The following SNF8 variants were observed in gnomAD, a reference collection of about 807,000 sequenced individuals.
SNF8 encodes vacuolar-sorting protein SNF8.
In SNF8, 19 loss-of-function variants were observed where a neutral mutation model predicts 36.8. The observed-to-expected ratio is 0.52, with a 90% CI of 0.36 to 0.76. The LOEUF is 0.76. Among genes scored for constraint, SNF8 ranks in the 30% least tolerant of loss-of-function variants. The pLI, the probability that SNF8 is intolerant of heterozygous loss-of-function variation, is 0.00. For missense variants in SNF8, 268 were observed against 322.9 expected, an observed-to-expected ratio of 0.83 and a Z score of 1.30; for synonymous variants, 127 against 127.4, an observed-to-expected ratio of 1.00 and a Z score of 0.02.
chr17:48,940,968 T>C lies in SNF8; in HGVS notation c.200A>G (p.Gln67Arg), dbSNP rs755506865. ...EIRKNPEFRV[Q>R]FQDMCATIGV... ...AATGGTTGCACACATGTCCTGGAAC[T>C]GCACACGGAACTCAGGATTCTTCCG... The change falls in exon 3 of 8, where the codon CAG becomes CGG. Residue 67 changes from glutamine (Q) to arginine (R), a missense_variant. Physicochemically the swap from Gln to Arg is conservative, Grantham distance 43. Coordinates refer to ENST00000502492, the MANE Select transcript of SNF8 (RefSeq NM_007241.4). The C allele has an allele frequency of 1.2e-6, 2 of 1,613,068 alleles. No homozygotes were observed. The highest frequency in any genetic ancestry group is 8.5e-7 in the Non-Finnish European group (1 of 1,180,032).
In SNF8 at chr17:48,929,916, C is replaced by A. The variant is rs1442636808; in HGVS notation, c.*559G>T. 6.6e-6 allele frequency: 1 copy of A among 152,178 alleles called. No individual in the cohort carries two copies. Among genetic ancestry groups the A allele is most frequent in the East Asian group, 1.9e-4 (1 of 5,202 alleles). The allele number at this position is 152,178 out of a possible 1,614,324, so 9.4% of individuals were successfully genotyped here. A position where few individuals can be genotyped will look rare whatever the true frequency, so the allele number is the denominator to read the frequency against. On this transcript the variant is annotated 3_prime_UTR_variant, in exon 8 of 8. Transcript: ENST00000502492. The stretch of plus-strand genomic sequence containing the variant: ...TTTAAGAAAATAGAACATTCCCTAA[C>A]TATTGTTTGATTCCCCTCAGATTCC...
intron 2 of SNF8, 100 bp from the exon 3 acceptor site, chr17:48,941,162 A>G (rs2041017794): frequency 3.7e-6 from 5 of 1,353,592 alleles, no homozygotes; most frequent in South Asian, 1.3e-5. Flanking sequence ...AGGCTGAAAT[A>G]ACCAGTCTCC....
intron 5 of SNF8, among the ~76,000 whole-genome samples, chr17:48,934,839 G>A (rs935443598): frequency 3.9e-5 from 6 of 152,106 alleles, no homozygotes; most frequent in African/African-American, 1.4e-4. Context: ...ACAGGTGTAA[G>A]CTATTGCACC....
At chr17:48,941,259 G>A (rs988635638) in intron 2 of SNF8, among the ~76,000 whole-genome samples, 197 bp from the exon 3 acceptor site, 6 of 151,938 alleles carry the variant, frequency 3.9e-5, no homozygotes, top group African/African-American at 1.5e-4. Flanking sequence ...ATGGGATGCT[G>A]TACTGTTTTC....
chr17:48,934,457 GC>G, intron 5 of SNF8: 1 of 216,786 alleles, frequency 4.6e-6, no homozygotes, highest in Non-Finnish European at 9.6e-6. Context: ...ACAAGAACTA[GC>G]AGGGCGCCAG....
In SNF8 at chr17:48,930,553, G is replaced by C. The variant is rs780541691; in HGVS notation, c.699C>G (p.His233Gln). 35 of 1,613,484 alleles carry C rather than the reference G, an allele frequency of 2.2e-5. No homozygotes were observed. The highest frequency in any genetic ancestry group is 4.0e-5 in the African/African-American group (3 of 74,906). ...WLDLQAPGEA[H>Q]YWLPALFTDL... ...CAGTGAAGAGAGCTGGCAGCCAGTA[G>C]TGGGCCTCCCCTGGGGCCTGTAAGT... Residue 233 changes from histidine (H) to glutamine (Q), a missense_variant, in exon 8 of 8, where the codon CAC becomes CAG. His to Gln is a conservative substitution (Grantham distance 24). Transcript: ENST00000502492.
Position 48,938,062 on chromosome 17 carries a change from G to A in SNF8, c.245-938C>T, listed in dbSNP as rs185907400. Among the ~76,000 whole-genome samples, 378 of 152,186 alleles carry A rather than the reference G, an allele frequency of 2.5e-3. 1 individual carries two copies. The highest frequency in any genetic ancestry group is 4.5e-3 in the Non-Finnish European group (305 of 68,008). ...CAAAGCATGCAGTGAAATATAATGG[G>A]AAATATGGTCTAGACAAGACTAAGA... On this transcript the variant is annotated intron_variant, in intron 3 of 7. Transcript: ENST00000502492.
chr17:48,931,757 G>A (rs376211694), intron 6 of SNF8, 40 bp from the exon 7 acceptor site: 68 of 1,519,576 alleles, frequency 4.5e-5, no homozygotes, highest in Non-Finnish European at 5.4e-5. Flanking sequence ...AGTTAAGAGT[G>A]CACCTTCCCT....
Position 48,944,780 on chromosome 17 carries a change from C to T in SNF8, c.-46G>A. 6.4e-7 allele frequency: 1 copy of T among 1,564,562 alleles called. No homozygotes were observed. The highest frequency in any genetic ancestry group is 8.6e-7 in the Non-Finnish European group (1 of 1,162,946). On this transcript the variant is annotated 5_prime_UTR_variant, in exon 1 of 8. Transcript: ENST00000502492. ...CCGCCCGGCTGCCGGGACCCCGGGT[C>T]TCCACGTCCCGGACTCCGCCGCCGG... is the stretch of plus-strand genomic sequence containing the variant.
intron 6 of SNF8, 105 bp from the exon 7 acceptor site, chr17:48,931,822 T>C (rs1567783892): frequency 1.4e-5 from 11 of 804,440 alleles, no homozygotes; most frequent in Non-Finnish European, 1.8e-5. Context: ...GAGGAAAAGC[T>C]GTCAAGCATG....
In SNF8 at chr17:48,938,959, A is replaced by G. The variant is rs532243858; in HGVS notation, c.245-1835T>C. On this transcript the variant is annotated intron_variant, in intron 3 of 7. Transcript: ENST00000502492. ...TTATGATTGTTATTCATTGTTTGAG[A>G]TAAAATCAGTCATCTGTAGCCGGGC... is the stretch of plus-strand genomic sequence containing the variant. 1.5e-3 allele frequency among the ~76,000 whole-genome samples: 224 copies of G among 151,726 alleles called. 4 individuals carry two copies. The South Asian group carries it at 0.026, about 17-fold the overall frequency.
chr17:48,938,709 C>T (rs1468586526), intron 3 of SNF8, among the ~76,000 whole-genome samples: 1 of 149,702 alleles, frequency 6.7e-6, no homozygotes, highest in Non-Finnish European at 1.5e-5. Context: ...CTCTACTAAT[C>T]ATACAAAAAA....
intron 4 of SNF8, 113 bp from the exon 5 acceptor site, chr17:48,936,355 A>AT (rs3215074): frequency 1.4e-4 from 98 of 689,614 alleles, no homozygotes; most frequent in Admixed American, 4.7e-4. Flanking sequence ...CTAGTTCCTA[A>AT]TTTTTTTTTA....
chr17:48,943,964 C>T lies in SNF8; in HGVS notation c.66G>A (p.Lys22=). 1 of 1,614,024 alleles carries T rather than the reference C, an allele frequency of 6.2e-7. No homozygotes were observed. The highest frequency in any genetic ancestry group is 1.3e-5 in the African/African-American group (1 of 75,040). ...CCTCAGCCAAGACCGTCCCTCGCTC[C>T]TTATACTTGGCCTGTCAGACAAAGA... ...AKKKLAEAKY[K]ERGTVLAEDQ... is the part of the protein sequence containing the mutation. Residue 22 remains lysine, a synonymous_variant, in exon 2 of 8, where the codon AAG becomes AAA. Coordinates refer to ENST00000502492, the MANE Select transcript of SNF8 (RefSeq NM_007241.4).
intron 3 of SNF8, 84 bp from the exon 4 acceptor site, chr17:48,937,208 A>G (rs1371840095): frequency 9.6e-7 from 1 of 1,044,124 alleles, no homozygotes; most frequent in African/African-American, 1.6e-5. Flanking sequence ...AACATCTATC[A>G]TATGGGAAGT....
At position 48,930,587 on chromosome 17, in the gene SNF8, G is replaced by C; in HGVS notation, c.665C>G (p.Ala222Gly). ...CCCTGGGGCCTGTAAGTCCAGCCAC[G>C]CCAACCCTTCCTTCAGCAGGTGTTC... ...VLEHLLKEGL[A>G]WLDLQAPGEA... The change falls in exon 8 of 8, where the codon GCG becomes GGG. Residue 222 changes from alanine to glycine, a missense_variant. Coordinates refer to ENST00000502492, the MANE Select transcript of SNF8 (RefSeq NM_007241.4). The C allele has an allele frequency of 1.2e-6, 2 of 1,613,776 alleles. No individual in the cohort carries two copies. The highest frequency in any genetic ancestry group is 1.7e-6 in the Non-Finnish European group (2 of 1,179,888).
At chr17:48,938,704 C>G (rs2040975509) in intron 3 of SNF8, among the ~76,000 whole-genome samples, 1 of 151,680 alleles carries the variant, frequency 6.6e-6, no homozygotes, top group Non-Finnish European at 1.5e-5. Flanking sequence ...CCTGTCTCTA[C>G]TAATCATACA....
Position 48,930,329 on chromosome 17 carries a change from G to A in SNF8, c.*146C>T. 1 of 880,800 alleles carries A rather than the reference G, an allele frequency of 1.1e-6. No homozygotes were observed. Among genetic ancestry groups the A allele is most frequent in the South Asian group, 2.4e-5 (1 of 41,030 alleles). The allele number at this position is 880,800 out of a possible 1,614,324, so 54.6% of individuals were successfully genotyped here. On this transcript the variant is annotated 3_prime_UTR_variant, in exon 8 of 8. Transcript: ENST00000502492. ...TTTTCCTCCAATAAAAATGCAACGT[G>A]AAGGCACTTTTCAAAAATAAAAGAA...
rs1598080427 is a variant in SNF8 at position 48,929,621 on chromosome 17, G to A, written c.*854C>T. 6.6e-6 allele frequency: 1 copy of A among 152,138 alleles called. No individual in the cohort carries two copies. The highest frequency in any genetic ancestry group is 1.5e-5 in the Non-Finnish European group (1 of 68,048). 9.4% of individuals were successfully genotyped at this position (152,138 alleles called of 1,614,324 possible). A position where few individuals can be genotyped will look rare whatever the true frequency, so the allele number is the denominator to read the frequency against. ...AAAATGTCTACACACAGTATGTGCT[G>A]CCATTCTGTACTATGCAGTGATACA... On this transcript the variant is annotated 3_prime_UTR_variant, in exon 8 of 8. Coordinates refer to ENST00000502492, the MANE Select transcript of SNF8 (RefSeq NM_007241.4).
Sources: allele counts gnomAD v4.1 joint callset (sites outside exome capture counted in the v4.1 genomes callset), GRCh38; gene constraint gnomAD v4.1.1; transcripts MANE v1.5; gene names NCBI Gene and HGNC (gene_info 2026-07-23, HGNC 2026-07-21).